RNF213: variants seen among roughly 807,000 people sequenced by gnomAD.
RNF213 encodes ring finger protein 213.
In RNF213, 341 loss-of-function variants were observed where a neutral mutation model predicts 514.4. The observed-to-expected ratio is 0.66, with a 90% CI of 0.61 to 0.73. RNF213 has a LOEUF of 0.73. Among genes scored for constraint, RNF213 ranks in the 30% least tolerant of loss-of-function variants. The pLI, the probability that RNF213 is intolerant of heterozygous loss-of-function variation, is 0.00. For missense variants in RNF213, 5,767 were observed against 6,615.6 expected, an observed-to-expected ratio of 0.87 and a Z score of 4.45; for synonymous variants, 2,655 against 2,658.2, an observed-to-expected ratio of 1.00 and a Z score of 0.04.
intron 15 of RNF213, among the ~76,000 whole-genome samples, chr17:80,313,903 T>A (rs1568052471): frequency 1.6e-4 from 5 of 32,086 alleles, no homozygotes; most frequent in Non-Finnish European, 2.2e-4. Context: ...GTGATGGTGG[T>A]GGTGGTGGTG....
chr17:80,304,262 A>G (rs181601011), intron 11 of RNF213, among the ~76,000 whole-genome samples: 4 of 152,232 alleles, frequency 2.6e-5, no homozygotes, highest in African/African-American at 7.2e-5. Context: ...TTGGGTCTCC[A>G]GTACTGTGTT....
In RNF213 at chr17:80,347,022, G is replaced by A. The variant is rs760665858; in HGVS notation, c.8687G>A (p.Arg2896Gln). The A allele has an allele frequency of 1.8e-5, 29 of 1,613,910 alleles. No homozygotes were observed. The highest frequency in any genetic ancestry group is 2.4e-5 in the Non-Finnish European group (28 of 1,179,942). The change falls in exon 29 of 68, where the codon CGG becomes CAG. Residue 2896 changes from arginine to glutamine, a missense_variant. Physicochemically the swap from Arg to Gln is conservative, Grantham distance 43. Coordinates refer to ENST00000582970, the MANE Select transcript of RNF213 (RefSeq NM_001256071.3). The surrounding 1 kb of genome is among the most constrained non-coding windows in gnomAD (Gnocchi z 7.2). ...NWALDPAKMN[R>Q]GIFVSRGSPN... ...GCCCTTGACCCTGCCAAGATGAACC[G>A]GGGCATTTTTGTGTCACGTGGCAGC...
rs143681826 is a variant in RNF213 at position 80,327,787 on chromosome 17, T to C, written c.3194-29T>C. ...AAGAGGCAGGAGGTGGGGAGCCCACTGTGTTAACTGTGTTCTTCATCTATT... is the reference window on the plus strand; with the variant it reads ...AAGAGGCAGGAGGTGGGGAGCCCACCGTGTTAACTGTGTTCTTCATCTATT... On this transcript the variant is annotated intron_variant, in intron 18 of 67. Transcript: ENST00000582970. The C allele has an allele frequency of 2.4e-4, 367 of 1,506,664 alleles. 1 individual carries two copies. The African/African-American group carries it at 4.5e-3, about 19-fold the overall frequency. 93.3% of individuals were successfully genotyped at this position (1,506,664 alleles called of 1,614,324 possible).
chr17:80,344,578 TA>T, intron 28 of RNF213, 99 bp from the exon 29 acceptor site: 1 of 1,319,124 alleles, frequency 7.6e-7, no homozygotes, highest in Non-Finnish European at 1.1e-6. Context: ...GCGTTTTTCA[TA>T]AAGGTCCATC....
Position 80,347,127 on chromosome 17 carries a change from ACTTTGCGTC to A in RNF213, c.8799_8807del (p.Ser2934_Ala2936del). 1 of 1,614,106 alleles carries A rather than the reference ACTTTGCGTC, an allele frequency of 6.2e-7. No homozygotes were observed. The highest frequency in any genetic ancestry group is 1.1e-5 in the South Asian group (1 of 91,078). On this transcript the variant is annotated inframe_deletion, in exon 29 of 68. Coordinates refer to ENST00000582970, the MANE Select transcript of RNF213 (RefSeq NM_001256071.3). The surrounding 1 kb of genome is among the most constrained non-coding windows in gnomAD (Gnocchi z 7.2). ...CTCGTCCAGGACCGAGTCCAAGGGTACTTTGCGTCCTTTGCCAAAGCCTACGAAACGGTG... is the reference window on the plus strand; with the variant it reads ...CTCGTCCAGGACCGAGTCCAAGGGTACTTTGCCAAAGCCTACGAAACGGTG...
In RNF213 at chr17:80,354,751, G is replaced by T. The variant is rs548917956; in HGVS notation, c.10862+175G>T. ...AAGAAGCACACAGTAGGTCTGGACAGTGGCCAAATGGCAGGTGCTGGACTC... is the reference window on the plus strand; with the variant it reads ...AAGAAGCACACAGTAGGTCTGGACATTGGCCAAATGGCAGGTGCTGGACTC... On this transcript the variant is annotated intron_variant, in intron 36 of 67. Transcript: ENST00000582970. 1.6e-4 allele frequency: 118 copies of T among 746,850 alleles called. No individual in the cohort carries two copies. The African/African-American group carries it at 1.8e-3, about 11-fold the overall frequency. 46.3% of individuals were successfully genotyped at this position (746,850 alleles called of 1,614,324 possible). A position where few individuals can be genotyped will look rare whatever the true frequency, so the allele number is the denominator to read the frequency against.
intron 55 of RNF213, among the ~76,000 whole-genome samples, chr17:80,380,449 T>C (rs2079945804): frequency 6.6e-6 from 1 of 152,184 alleles, no homozygotes; most frequent in African/African-American, 2.4e-5. Flanking sequence ...TTTGGGGAGA[T>C]GAGAACAATA....
intron 14 of RNF213, among the ~76,000 whole-genome samples, chr17:80,311,390 G>T (rs1350603029): frequency 6.6e-6 from 1 of 152,170 alleles, no homozygotes; most frequent in Non-Finnish European, 1.5e-5. Flanking sequence ...GTTGTTATTG[G>T]CCATCGCTGT....
intron 61 of RNF213, 67 bp from the exon 62 acceptor site, chr17:80,386,183 C>A: frequency 6.6e-7 from 1 of 1,510,632 alleles, no homozygotes; most frequent in South Asian, 1.1e-5. Context: ...CATCCCTCCT[C>A]CCCACGCCTA....
intron 26 of RNF213, among the ~76,000 whole-genome samples, chr17:80,342,726 ATATATATTATATATATATTGTATG>A (rs1312016785): frequency 2.8e-5 from 4 of 141,666 alleles, no homozygotes; most frequent in African/African-American, 1.1e-4. Flanking sequence ...TAGTATGTAT[ATATATATTATATATATATTGTATG>A]TATATATATA....
chr17:80,345,631 C>G lies in RNF213; in HGVS notation c.7296C>G (p.Phe2432Leu). The change falls in exon 29 of 68, where the codon TTC (phenylalanine) becomes TTG (leucine). Residue 2432 changes from phenylalanine (F) to leucine (L), a missense_variant. By Grantham distance (22) the Phe-to-Leu change is conservative. This residue lies in a region of RNF213 where 1,377 missense variants were observed against 1,635.2 expected (regional missense o/e 0.84). Transcript: ENST00000582970. This position sits in a 1 kb window ranked among gnomAD's most constrained non-coding sequence, Gnocchi z 6.0. ...GTGGGAAAACCAGGCTTATTAAATT[C>G]CTTAGCGACCTGCGGCGTGGTGGTA... ...TGCGKTRLIK[F>L]LSDLRRGGTN... 1 of 1,614,176 alleles carries G rather than the reference C, an allele frequency of 6.2e-7. No individual in the cohort carries two copies.
intron 17 of RNF213, 33 bp downstream of exon 17, chr17:80,319,345 G>A (rs148356224): frequency 0.017 from 26,658 of 1,614,152 alleles, 295 homozygotes; most frequent in Non-Finnish European, 0.021. Context: ...AAACGGATTC[G>A]GGCTCACAGC....
chr17:80,299,913 A>G (rs1235911402), intron 11 of RNF213, among the ~76,000 whole-genome samples: 7 of 152,194 alleles, frequency 4.6e-5, no homozygotes, highest in Non-Finnish European at 8.8e-5. Context: ...TTATGGCTGC[A>G]TAGTATTCCA....
At chr17:80,261,876 G>T (rs1598866659) in intron 1 of RNF213, among the ~76,000 whole-genome samples, 1 of 152,336 alleles carries the variant, frequency 6.6e-6, no homozygotes, top group African/African-American at 2.4e-5. Context: ...AATTAGCCGG[G>T]TGTGGTGGCG....
intron 16 of RNF213, among the ~76,000 whole-genome samples, chr17:80,318,578 CT>C (rs11455821): frequency 1.4e-3 from 200 of 147,348 alleles, no homozygotes; most frequent in Middle Eastern, 3.6e-3. Flanking sequence ...TTATATGTAA[CT>C]TTTTTTTTTT....
At chr17:80,327,505 C>T (rs2046310797) in intron 18 of RNF213, among the ~76,000 whole-genome samples, 1 of 151,732 alleles carries the variant, frequency 6.6e-6, no homozygotes, top group African/African-American at 2.4e-5. Flanking sequence ...GGAAGTCAGT[C>T]CATCCGTATA....
At chr17:80,299,349 A>G (rs1207201264) in intron 11 of RNF213, among the ~76,000 whole-genome samples, 2 of 152,124 alleles carry the variant, frequency 1.3e-5, no homozygotes, top group South Asian at 4.1e-4. Flanking sequence ...TCTGTCCCAT[A>G]ACTTCATTGA....
At chr17:80,348,892 C>T (rs1443612321) in intron 29 of RNF213, among the ~76,000 whole-genome samples, 2 of 152,178 alleles carry the variant, frequency 1.3e-5, no homozygotes, top group Non-Finnish European at 2.9e-5. Context: ...CCCTCAGTGA[C>T]TCTGCAGAGC....
chr17:80,338,584 G>A (rs573806463), intron 25 of RNF213, among the ~76,000 whole-genome samples: 16 of 151,490 alleles, frequency 1.1e-4, no homozygotes, highest in Admixed American at 8.5e-4. Context: ...AGGAGTTCAT[G>A]ACCAGCCTGG....
Sources: allele counts gnomAD v4.1 joint callset (sites outside exome capture counted in the v4.1 genomes callset), GRCh38; gene constraint gnomAD v4.1.1; regional missense constraint gnomAD v4.1.1; non-coding constraint Gnocchi (gnomAD v3.1); transcripts MANE v1.5; gene names NCBI Gene and HGNC (gene_info 2026-07-23, HGNC 2026-07-21).